DPP6: variants seen among roughly 807,000 people sequenced by gnomAD.
DPP6 encodes the protein dipeptidyl peptidase like 6.
Under a neutral mutation model 122.6 loss-of-function variants are expected in DPP6, and 69 were observed. The observed-to-expected ratio is 0.56, with a 90% CI of 0.46 to 0.69. The LOEUF is 0.69. Among genes scored for constraint, DPP6 ranks in the 30% least tolerant of loss-of-function variants. The pLI is 0.00. For missense variants in DPP6, 928 were observed against 1,116.9 expected (o/e 0.83, Z 2.41); for synonymous variants, 418 against 433.1 (o/e 0.97, Z 0.43).
At chr7:154,415,264 G>A (rs931897534) in intron 1 of DPP6, among the ~76,000 whole-genome samples, 2 of 152,116 alleles carry the variant, frequency 1.3e-5, no homozygotes, top group Non-Finnish European at 1.5e-5. Context: ...ATCACTCAAG[G>A]TTCCAGCTCT....
rs141193929 is a variant in DPP6, at chr7:154,184,010, C to G, written c.243+130947C>G. 5.6e-3 allele frequency among the ~76,000 whole-genome samples: 858 copies of G among 152,250 alleles called. 6 individuals are homozygous for G. Among genetic ancestry groups the G allele is most frequent in the African/African-American group, 0.019 (797 of 41,530 alleles). ...TAGCATAAGATTAAGTGGATAATGGCCAAATCTCTATTTTTCTGAGTAGCC... is the reference window on the plus strand; with the variant it reads ...TAGCATAAGATTAAGTGGATAATGGGCAAATCTCTATTTTTCTGAGTAGCC... On this transcript the variant is annotated intron_variant, in intron 1 of 25. Coordinates refer to ENST00000377770, the MANE Select transcript of DPP6 (RefSeq NM_130797.4).
chr7:154,001,999 C>A (rs1585158661), intron 1 of DPP6, among the ~76,000 whole-genome samples: 3 of 152,102 alleles, frequency 2.0e-5, no homozygotes, highest in Non-Finnish European at 2.9e-5. Context: ...TTGGTACTTA[C>A]CATTTACGTA....
At chr7:153,918,009 A>T (rs1342149491) in intron 1 of DPP6, among the ~76,000 whole-genome samples, 1 of 152,232 alleles carries the variant, frequency 6.6e-6, no homozygotes. Flanking sequence ...GGGGATGTAG[A>T]ATGTGTGTCT....
At chr7:154,831,410 A>AG (rs1219304378) in intron 16 of DPP6, among the ~76,000 whole-genome samples, 2 of 152,212 alleles carry the variant, frequency 1.3e-5, no homozygotes, top group African/African-American at 4.8e-5. Context: ...AAATTTAAAA[A>AG]GGGGAAAAAA....
intron 6 of DPP6, among the ~76,000 whole-genome samples, chr7:154,643,447 G>A (rs1360507616): frequency 2.0e-5 from 3 of 149,128 alleles, no homozygotes; most frequent in South Asian, 2.1e-4. Flanking sequence ...ATGTTATAAA[G>A]TCTGTTAAGT....
the DPP6 span, among the ~76,000 whole-genome samples, chr7:153,809,516 C>T: frequency 6.6e-6 from 1 of 152,192 alleles, no homozygotes; most frequent in Non-Finnish European, 1.5e-5. Flanking sequence ...TCAGTGGTAA[C>T]ACTTCCGTAA....
intron 1 of DPP6, among the ~76,000 whole-genome samples, chr7:153,985,808 G>A (rs1157962577): frequency 1.3e-5 from 2 of 152,154 alleles, no homozygotes; most frequent in South Asian, 4.1e-4. Flanking sequence ...AATGAACTTT[G>A]TGTATCTCTC....
intron 11 of DPP6, among the ~76,000 whole-genome samples, chr7:154,794,448 C>A (rs560807872): frequency 7.2e-5 from 11 of 152,346 alleles, no homozygotes; most frequent in Admixed American, 2.6e-4. Context: ...CCGTGCCTGG[C>A]ACCTGGACGC....
chr7:154,686,349 C>T (rs890119067), intron 7 of DPP6, among the ~76,000 whole-genome samples: 1 of 151,754 alleles, frequency 6.6e-6, no homozygotes, highest in Non-Finnish European at 1.5e-5. Context: ...CTTAAATGCA[C>T]TGTAAATACA....
At chr7:154,314,064 C>G (rs916948538) in intron 1 of DPP6, among the ~76,000 whole-genome samples, 1 of 152,072 alleles carries the variant, frequency 6.6e-6, no homozygotes, top group East Asian at 1.9e-4. Context: ...CATTACTAGG[C>G]TTGGGATGAT....
At chr7:154,047,755 C>T (rs1462428721), upstream of DPP6, among the ~76,000 whole-genome samples, 2 of 152,200 alleles carry the variant, frequency 1.3e-5, no homozygotes, top group African/African-American at 4.8e-5. Context: ...ATATATTCTA[C>T]GTATAGCCTA....
intron 1 of DPP6, among the ~76,000 whole-genome samples, chr7:154,164,638 C>G (rs556859107): frequency 6.6e-6 from 1 of 152,114 alleles, no homozygotes; most frequent in African/African-American, 2.4e-5. Flanking sequence ...TCATCCTTCC[C>G]CTAGCCTTCA....
At chr7:154,580,442 A>T (rs1563887254) in intron 5 of DPP6, among the ~76,000 whole-genome samples, 2 of 152,210 alleles carry the variant, frequency 1.3e-5, no homozygotes, top group African/African-American at 4.8e-5. Flanking sequence ...TAGTAATTCC[A>T]ACAGACAAAG....
At position 154,879,598 on chromosome 7, in the gene DPP6, A is replaced by G. The variant is rs1190315631; in HGVS notation, c.2079-1290A>G. On this transcript the variant is annotated intron_variant, in intron 20 of 25. Coordinates refer to ENST00000377770, the MANE Select transcript of DPP6 (RefSeq NM_130797.4). ...AGCGAGACTCCGTCTCAAAAAAAAA[A>G]AAAAAAAAAAAACACAAAAATCAGC... is the stretch of plus-strand genomic sequence containing the variant. Among the ~76,000 whole-genome samples the G allele has an allele frequency of 2.2e-5, 2 of 91,956 alleles. 1 individual carries two copies. The highest frequency in any genetic ancestry group is 2.3e-3 in the East Asian group (2 of 870). The allele number at this position is 91,956 out of a possible 152,430, so 60.3% of individuals were successfully genotyped here. A position where few individuals can be genotyped will look rare whatever the true frequency, so the allele number is the denominator to read the frequency against.
intron 1 of DPP6, among the ~76,000 whole-genome samples, chr7:154,393,195 T>C (rs530187147): frequency 6.6e-6 from 1 of 152,304 alleles, no homozygotes; most frequent in South Asian, 2.1e-4. Context: ...GGCTGAGGAA[T>C]GTAGATCATT....
At chr7:154,710,705 C>T (rs1450005833) in intron 7 of DPP6, among the ~76,000 whole-genome samples, 1 of 152,232 alleles carries the variant, frequency 6.6e-6, no homozygotes, top group Non-Finnish European at 1.5e-5. Context: ...CTAAAAGGTA[C>T]GTCTACAAGG....
At chr7:154,157,945 A>G (rs1156918756) in intron 1 of DPP6, among the ~76,000 whole-genome samples, 1 of 149,084 alleles carries the variant, frequency 6.7e-6, no homozygotes, top group Non-Finnish European at 1.5e-5. Flanking sequence ...AAAAAAATAT[A>G]TACATATATA....
chr7:154,053,843 G>T (rs1400571634), intron 1 of DPP6, among the ~76,000 whole-genome samples: 2 of 146,592 alleles, frequency 1.4e-5, no homozygotes, highest in African/African-American at 5.1e-5. Flanking sequence ...TCAAAGGTTG[G>T]ATTTGCACAT....
chr7:154,120,815 A>T (rs916732794), intron 1 of DPP6, among the ~76,000 whole-genome samples: 7 of 152,238 alleles, frequency 4.6e-5, no homozygotes, highest in Non-Finnish European at 1.0e-4. Context: ...GTCTAGTCCA[A>T]TGAAAGGGTT....
Sources: allele counts gnomAD v4.1 joint callset (sites outside exome capture counted in the v4.1 genomes callset), GRCh38; gene constraint gnomAD v4.1.1; transcripts MANE v1.5; gene names NCBI Gene and HGNC (gene_info 2026-07-23, HGNC 2026-07-21).